ERI3: variants seen among roughly 807,000 people sequenced by gnomAD.
ERI3 encodes ERI1 exoribonuclease 3.
ERI3 carries 18 observed loss-of-function variants against 44.4 expected under a neutral mutation model. That is an observed-to-expected ratio of 0.41 (90% confidence interval 0.28 to 0.60). The LOEUF (loss-of-function observed/expected upper bound fraction) is 0.60. ERI3 is among the 20% of genes least tolerant of loss of function. The pLI is 0.36. For synonymous variants in ERI3, 183 were observed against 164.8 expected (o/e 1.11, Z -0.84); for missense variants, 294 against 435.5 (o/e 0.68, Z 2.89).
chr1:44,234,179 C>T (rs1356386192), intron 8 of ERI3, among the ~76,000 whole-genome samples: 1 of 152,150 alleles, frequency 6.6e-6, no homozygotes, highest in African/African-American at 2.4e-5. Flanking sequence ...GCTTTAATTA[C>T]CATATATTTT....
At chr1:44,299,378 A>T in intron 6 of ERI3, among the ~76,000 whole-genome samples, 1 of 152,040 alleles carries the variant, frequency 6.6e-6, no homozygotes, top group Admixed American at 6.6e-5. Flanking sequence ...TTTTTAATAG[A>T]GACAGGGCCC....
chr1:44,340,668 A>C (rs1002078845), intron 2 of ERI3, among the ~76,000 whole-genome samples: 1 of 152,232 alleles, frequency 6.6e-6, no homozygotes, highest in Admixed American at 6.5e-5. Flanking sequence ...ACGCTAGTGT[A>C]GGTCCTCAAT....
intron 6 of ERI3, among the ~76,000 whole-genome samples, chr1:44,304,828 A>G (rs1489597940): frequency 2.0e-5 from 3 of 152,162 alleles, no homozygotes; most frequent in Non-Finnish European, 4.4e-5. Context: ...ACACCTGCAG[A>G]GCACAGCCAG....
intron 8 of ERI3, among the ~76,000 whole-genome samples, chr1:44,243,063 A>G (rs1432672842): frequency 1.3e-5 from 2 of 152,164 alleles, no homozygotes; most frequent in African/African-American, 4.8e-5. Flanking sequence ...ATGCGTTCTG[A>G]CTGGACTCTT....
Position 44,313,236 on chromosome 1 carries a change from G to T in ERI3, c.607-8C>A. 2.5e-6 allele frequency: 4 copies of T among 1,613,982 alleles called. No homozygotes were observed. The South Asian group carries it at 4.4e-5, about 18-fold the overall frequency. ...TTGAATAATCCCGGTGAGCTGAAAG[G>T]AAAGAGAAATAGCCGATGGGTAGAA... On this transcript the variant is annotated splice_polypyrimidine_tract_variant and splice_region_variant and intron_variant, in intron 4 of 8. Coordinates refer to ENST00000372257, the MANE Select transcript of ERI3 (RefSeq NM_024066.3).
chr1:44,273,510 A>G (rs1028264390), intron 7 of ERI3, among the ~76,000 whole-genome samples: 1 of 152,248 alleles, frequency 6.6e-6, no homozygotes, highest in African/African-American at 2.4e-5. Context: ...TCATCAGTCT[A>G]GCCCAAGATT....
chr1:44,329,443 T>TTCATC (rs1205297545), intron 3 of ERI3, among the ~76,000 whole-genome samples: 1 of 152,196 alleles, frequency 6.6e-6, no homozygotes, highest in Non-Finnish European at 1.5e-5. Flanking sequence ...AATGCCATGT[T>TTCATC]TCATCTCACT....
At position 44,231,797 on chromosome 1, in the gene ERI3, G is replaced by A. The variant is rs533688377; in HGVS notation, c.932-10157C>T. Among the ~76,000 whole-genome samples, 8 of 152,298 alleles carry A rather than the reference G, an allele frequency of 5.3e-5. No individual in the cohort carries two copies. In the East Asian group the frequency reaches 1.2e-3, roughly 22 times the overall value. On this transcript the variant is annotated intron_variant, in intron 8 of 8. Transcript: ENST00000372257. ...CTTGCCAGTCATTGGCACAGGGATG[G>A]GCATGTGTTCTGGCTACTGAGACAT...
intron 7 of ERI3, among the ~76,000 whole-genome samples, chr1:44,271,534 ATACTTACTC>A (rs527532237): frequency 3.4e-4 from 52 of 152,364 alleles, no homozygotes; most frequent in African/African-American, 1.2e-3. Flanking sequence ...CTAGACTCAA[ATACTTACTC>A]TATCACTCAC....
intron 8 of ERI3, among the ~76,000 whole-genome samples, chr1:44,223,966 A>T (rs1042710543): frequency 2.0e-5 from 3 of 152,046 alleles, no homozygotes; most frequent in Admixed American, 2.0e-4. Context: ...TCACGAGCTA[A>T]TTTTCTCTCC....
intron 7 of ERI3, among the ~76,000 whole-genome samples, chr1:44,253,360 T>C (rs950996347): frequency 1.3e-5 from 2 of 152,214 alleles, no homozygotes; most frequent in Admixed American, 1.3e-4. Context: ...CCTCCAGGTA[T>C]ATCTGAGATC....
chr1:44,294,190 A>G (rs1384171711), intron 6 of ERI3, among the ~76,000 whole-genome samples: 2 of 152,238 alleles, frequency 1.3e-5, no homozygotes, highest in African/African-American at 4.8e-5. Context: ...GTTCCCAGAC[A>G]TGCTACTCTG....
chr1:44,311,876 C>A (rs1246016444), intron 5 of ERI3, among the ~76,000 whole-genome samples: 1 of 151,972 alleles, frequency 6.6e-6, no homozygotes, highest in Non-Finnish European at 1.5e-5. Flanking sequence ...CTAAGGAGCT[C>A]CCTTGGTCAT....
rs1572333914 is a variant in ERI3 at position 44,341,780 on chromosome 1, C to T, written c.212-2458G>A. Among the ~76,000 whole-genome samples the T allele has an allele frequency of 2.6e-5, 4 of 152,112 alleles. 1 individual carries two copies. Among genetic ancestry groups the T allele is most frequent in the Admixed American group, 2.6e-4 (4 of 15,272 alleles). Reference sequence around the variant, plus strand: ...TGCTGCATGCCTGTAGTCCCAGCTACTTGGTAGGCTGAAGTAGGAAGATCA... The same window carrying T: ...TGCTGCATGCCTGTAGTCCCAGCTATTTGGTAGGCTGAAGTAGGAAGATCA... On this transcript the variant is annotated intron_variant, in intron 2 of 8. Coordinates refer to ENST00000372257, the MANE Select transcript of ERI3 (RefSeq NM_024066.3).
At chr1:44,261,088 C>T (rs557362794) in intron 7 of ERI3, among the ~76,000 whole-genome samples, 2 of 152,352 alleles carry the variant, frequency 1.3e-5, no homozygotes, top group East Asian at 1.9e-4. Context: ...TAGGTCCCCA[C>T]TCCCTCTGCC....
intron 8 of ERI3, among the ~76,000 whole-genome samples, chr1:44,246,540 C>A (rs548644833): frequency 6.6e-6 from 1 of 152,344 alleles, no homozygotes; most frequent in African/African-American, 2.4e-5. Flanking sequence ...CCTGGGAAAC[C>A]CTTCAGATGT....
intron 8 of ERI3, among the ~76,000 whole-genome samples, chr1:44,245,926 ACT>A (rs963941048): frequency 6.6e-6 from 1 of 151,714 alleles, no homozygotes; most frequent in Non-Finnish European, 1.5e-5. Context: ...CTTTCCCATC[ACT>A]CTTTCATTGA....
At chr1:44,276,320 A>G (rs1645180657) in intron 7 of ERI3, among the ~76,000 whole-genome samples, 1 of 152,246 alleles carries the variant, frequency 6.6e-6, no homozygotes, top group South Asian at 2.1e-4. Context: ...ACAATTTGCA[A>G]GTATGTGCAG....
intron 6 of ERI3, 36 bp downstream of exon 6, chr1:44,308,274 A>C: frequency 6.7e-7 from 1 of 1,496,244 alleles, no homozygotes; most frequent in South Asian, 1.1e-5. Context: ...CACAGATTCC[A>C]AGCCCTGCCA....
Sources: gnomAD v4.1 joint callset for allele counts (sites outside exome capture counted in the v4.1 genomes callset) on GRCh38, gnomAD v4.1.1 for gene constraint, MANE v1.5 for transcripts, NCBI Gene and HGNC (gene_info 2026-07-23, HGNC 2026-07-21) for gene names.